Variants in SEMA5B observed in about 807,000 individuals in gnomAD.
SEMA5B encodes the protein semaphorin-5B.
Under a neutral mutation model 135.0 loss-of-function variants are expected in SEMA5B, and 66 were observed. The ratio of observed to expected loss-of-function variants is 0.49; its 90% CI spans 0.40 to 0.60. The LOEUF is 0.60. Among genes scored for constraint, SEMA5B ranks in the 20% least tolerant of loss-of-function variants. SEMA5B has a pLI of 0.00. For missense variants in SEMA5B, 1,501 were observed against 1,566.3 expected (o/e 0.96, Z 0.70); for synonymous variants, 690 against 639.5 (o/e 1.08, Z -1.19).
intron 1 of SEMA5B, among the ~76,000 whole-genome samples, chr3:122,987,363 A>T (rs978316918): frequency 6.6e-6 from 1 of 152,152 alleles, no homozygotes; most frequent in South Asian, 2.1e-4. Context: ...GGCCTTTTAC[A>T]TGCTGTTTTT....
intron 2 of SEMA5B, among the ~76,000 whole-genome samples, chr3:122,956,767 G>A (rs1035606396): frequency 2.0e-5 from 3 of 152,232 alleles, no homozygotes; most frequent in Non-Finnish European, 2.9e-5. Flanking sequence ...GCATCGGGCC[G>A]GCTCTCCTGC....
chr3:123,009,272 A>G (rs1222479476), intron 1 of SEMA5B, among the ~76,000 whole-genome samples: 2 of 152,096 alleles, frequency 1.3e-5, no homozygotes, highest in African/African-American at 4.8e-5. Context: ...TTTCTTCTCC[A>G]TTCCTCACTT....
intron 1 of SEMA5B, among the ~76,000 whole-genome samples, chr3:123,004,925 C>T (rs1328991975): frequency 1.3e-5 from 2 of 152,186 alleles, no homozygotes; most frequent in Non-Finnish European, 2.9e-5. Flanking sequence ...TCTGACCAAA[C>T]CTCACACTGC....
intron 1 of SEMA5B, among the ~76,000 whole-genome samples, chr3:122,962,375 G>A (rs1940623679): frequency 6.6e-6 from 1 of 152,238 alleles, no homozygotes. Flanking sequence ...ACTGCTGGAG[G>A]AACATCGGGA....
At position 123,023,089 on chromosome 3, in the gene SEMA5B, G is replaced by T. The variant is rs543379764; in HGVS notation, c.-39+4375C>A. On this transcript the variant is annotated intron_variant, in intron 1 of 22. Coordinates refer to ENST00000357599, the MANE Select transcript of SEMA5B (RefSeq NM_001031702.4). ...AGGGGGGTTTGCAAAAGTATAGCAC[G>T]ATGCCAGTGAAAAATCCAGGTGTTG... is the stretch of plus-strand genomic sequence containing the variant. Among the ~76,000 whole-genome samples the T allele has an allele frequency of 7.9e-5, 12 of 152,248 alleles. No individual in the cohort carries two copies. In the East Asian group the frequency reaches 2.1e-3, roughly 27 times the overall value.
chr3:123,014,214 G>A (rs1942501180), intron 1 of SEMA5B, among the ~76,000 whole-genome samples: 1 of 152,194 alleles, frequency 6.6e-6, no homozygotes, highest in South Asian at 2.1e-4. Flanking sequence ...AGGGGTCTGA[G>A]GTGGGTTTTG....
intron 3 of SEMA5B, among the ~76,000 whole-genome samples, chr3:122,948,153 A>G (rs955327055): frequency 6.6e-6 from 1 of 152,068 alleles, no homozygotes; most frequent in Non-Finnish European, 1.5e-5. Flanking sequence ...CTTTCCAGAG[A>G]TCTCCAGGCA....
chr3:122,942,588 C>T (rs1054133485), intron 4 of SEMA5B, among the ~76,000 whole-genome samples: 2 of 152,202 alleles, frequency 1.3e-5, no homozygotes, highest in Non-Finnish European at 2.9e-5. Flanking sequence ...CTATGTGATG[C>T]TGGGAAGGTC....
intron 5 of SEMA5B, among the ~76,000 whole-genome samples, chr3:122,935,041 G>T (rs530172184): frequency 1.3e-5 from 2 of 152,260 alleles, no homozygotes; most frequent in African/African-American, 4.8e-5. Flanking sequence ...GAGTACACGG[G>T]GTTCATGTAC....
intron 1 of SEMA5B, among the ~76,000 whole-genome samples, chr3:123,009,529 GTGTC>G (rs1405085862): frequency 6.8e-5 from 10 of 147,284 alleles, no homozygotes; most frequent in Non-Finnish European, 1.5e-4. Context: ...GTGTGTATGT[GTGTC>G]TGTGTGTGTG....
At chr3:123,018,976 G>A (rs193168850) in intron 1 of SEMA5B, among the ~76,000 whole-genome samples, 1 of 152,334 alleles carries the variant, frequency 6.6e-6, no homozygotes, top group East Asian at 1.9e-4. Flanking sequence ...ATAAAGGGAT[G>A]AGGACATGAC....
Position 122,942,315 on chromosome 3 carries a change from G to C in SEMA5B, c.428+1121C>G, listed in dbSNP as rs544784759. ...TAATCCAGAGCTGTGTTCTTGACTT[G>C]CCTCATTTTCATACAGCAAATGAAG... On this transcript the variant is annotated intron_variant, in intron 4 of 22. Transcript: ENST00000357599. Among the ~76,000 whole-genome samples the C allele has an allele frequency of 2.2e-4, 33 of 152,172 alleles. 1 individual carries two copies. Among genetic ancestry groups the C allele is most frequent in the East Asian group, 1.9e-4 (1 of 5,176 alleles).
chr3:122,924,545 T>A (rs1319275346), intron 9 of SEMA5B, among the ~76,000 whole-genome samples: 1 of 152,226 alleles, frequency 6.6e-6, no homozygotes, highest in African/African-American at 2.4e-5. Context: ...GTCGCTGGAC[T>A]GCTTCAAACC....
intron 1 of SEMA5B, among the ~76,000 whole-genome samples, chr3:123,010,673 G>T (rs892634858): frequency 2.0e-5 from 3 of 151,986 alleles, no homozygotes; most frequent in Admixed American, 6.6e-5. Context: ...AGCTGGGCAT[G>T]GTGGCATGCG....
At position 122,909,973 on chromosome 3, in the gene SEMA5B, A is replaced by G; in HGVS notation, c.*170T>C. ...CAGCCTGAAACCAGCCCTTTCCCCC[A>G]TGGTCAATGCCAGCCAGAGCTCTCT... On this transcript the variant is annotated 3_prime_UTR_variant, in exon 23 of 23. Transcript: ENST00000357599. The G allele has an allele frequency of 3.0e-6, 2 of 672,270 alleles. No homozygotes were observed. The highest frequency in any genetic ancestry group is 4.0e-5 in the South Asian group (2 of 49,420). The allele number at this position is 672,270 out of a possible 1,614,324, so 41.6% of individuals were successfully genotyped here. A position where few individuals can be genotyped will look rare whatever the true frequency, so the allele number is the denominator to read the frequency against.
At position 122,953,266 on chromosome 3, in the gene SEMA5B, C is replaced by G. The variant is rs73856766; in HGVS notation, c.125-4557G>C. ...GCTCCCTTCCCAGGCCTCTCTGCCT[C>G]CCCGCCCCAGGTCTGACCACCAGCT... On this transcript the variant is annotated intron_variant, in intron 2 of 22. Transcript: ENST00000357599. Among the ~76,000 whole-genome samples, 1,211 of 152,252 alleles carry G rather than the reference C, an allele frequency of 8.0e-3. 11 individuals carry two copies. The highest frequency in any genetic ancestry group is 0.028 in the African/African-American group (1,158 of 41,536).
At chr3:122,966,569 T>TTATTATTATTA (rs1560379029) in intron 1 of SEMA5B, among the ~76,000 whole-genome samples, 12 of 130,958 alleles carry the variant, frequency 9.2e-5, no homozygotes, top group African/African-American at 4.1e-4. Context: ...TATTATTATT[T>TTATTATTATTA]TTTGAGACGG....
chr3:122,919,415 A>C, intron 12 of SEMA5B, among the ~76,000 whole-genome samples: 1 of 152,260 alleles, frequency 6.6e-6, no homozygotes, highest in East Asian at 1.9e-4. Context: ...TGGCCAGGCC[A>C]GGTCTTGGAG....
Position 122,913,405 on chromosome 3 carries a change from G to A in SEMA5B, c.2300C>T (p.Pro767Leu). Reference sequence around the variant, plus strand: ...GCGCCGCACTTCGGGGCAGCCCTCGGGGTTGCACGTCTTGAACTCCTGCGG... The same window carrying A: ...GCGCCGCACTTCGGGGCAGCCCTCGAGGTTGCACGTCTTGAACTCCTGCGG... The part of the protein sequence containing the change: ...GCGVEFKTCN[P>L]EGCPEVRRNT... Residue 767 changes from proline (P) to leucine (L), a missense_variant, in exon 17 of 23, where the codon CCC becomes CTC. Physicochemically the swap from Pro to Leu is moderately conservative, Grantham distance 98. Transcript: ENST00000357599. 3.8e-6 allele frequency: 6 copies of A among 1,574,726 alleles called. No individual in the cohort carries two copies. Among genetic ancestry groups the A allele is most frequent in the Non-Finnish European group, 5.2e-6 (6 of 1,164,828 alleles).
Sources: allele counts gnomAD v4.1 joint callset (sites outside exome capture counted in the v4.1 genomes callset), GRCh38; gene constraint gnomAD v4.1.1; transcripts MANE v1.5; gene names NCBI Gene and HGNC (gene_info 2026-07-23, HGNC 2026-07-21).